The following UGT1A6 variants were observed in gnomAD, a reference collection of about 807,000 sequenced individuals.
UGT1A6 encodes the protein UDP-glucuronosyltransferase 1A6.
A neutral mutation model predicts 44.4 loss-of-function variants in UGT1A6; 32 were observed. The ratio of observed to expected loss-of-function variants is 0.72; its 90% confidence interval spans 0.54 to 0.97. The LOEUF (loss-of-function observed/expected upper bound fraction) is 0.97. Ranked by LOEUF, UGT1A6 falls within the 50% of genes least tolerant of loss-of-function variation. The probability of loss-of-function intolerance (pLI) is 0.00; values close to 1 mark genes in which losing one functional copy is unlikely to be tolerated. For synonymous variants in UGT1A6, 238 were observed against 248.5 expected (o/e 0.96, Z 0.40); for missense variants, 685 against 661.9 (o/e 1.03, Z -0.38).
chr2:233,734,315 C>T (rs1041289451), intron 1 of UGT1A6, among the ~76,000 whole-genome samples: 4 of 151,932 alleles, frequency 2.6e-5, no homozygotes, highest in African/African-American at 4.8e-5. Flanking sequence ...TTTGTGTAGA[C>T]GTATTTATAG....
intron 1 of UGT1A6, among the ~76,000 whole-genome samples, chr2:233,724,143 G>C: frequency 8.2e-6 from 1 of 122,326 alleles, no homozygotes; most frequent in African/African-American, 3.7e-5. Flanking sequence ...GGACGGGGCG[G>C]CTGGCCGGGT....
Position 233,693,021 on chromosome 2 carries a change from G to C in UGT1A6, c.17G>C (p.Arg6Pro). Residue 6 changes from arginine (R) to proline (P), a missense_variant, in exon 1 of 5, where the codon CGC becomes CCC. Physicochemically the swap from Arg to Pro is moderately radical, Grantham distance 103 (BLOSUM62 -2). Transcript: ENST00000305139. ...CTTTCCAGGATGGCCTGCCTCCTTC[G>C]CTCATTTCAGAGAATTTCTGCAGGG... Reference protein sequence around the residue: MACLLRSFQRISAGVF... With the variant: MACLLPSFQRISAGVF... 1 of 1,614,090 alleles carries C rather than the reference G, an allele frequency of 6.2e-7. No homozygotes were observed. Among genetic ancestry groups the C allele is most frequent in the South Asian group, 1.1e-5 (1 of 91,074 alleles).
At chr2:233,770,670 A>C (rs1409019520) in intron 4 of UGT1A6, 2 of 152,132 alleles carry the variant, frequency 1.3e-5, no homozygotes, top group Non-Finnish European at 2.9e-5. Flanking sequence ...TTAAAAAAAA[A>C]AAAAAGAAGG....
chr2:233,694,161 CAG>C (rs1316707108), intron 1 of UGT1A6, among the ~76,000 whole-genome samples: 2 of 152,146 alleles, frequency 1.3e-5, no homozygotes, highest in African/African-American at 4.8e-5. Context: ...CCAGTTCAAA[CAG>C]AGGTGAAGGC....
intron 1 of UGT1A6, chr2:233,712,955 T>C (rs766040798): frequency 1.9e-6 from 3 of 1,612,766 alleles, no homozygotes; most frequent in Non-Finnish European, 2.5e-6. Context: ...AGGCACAACG[T>C]GGGGTGGACA....
Position 233,767,861 on chromosome 2 carries a change from T to C in UGT1A6, c.1006T>C (p.Tyr336His). The C allele has an allele frequency of 1.9e-6, 3 of 1,614,194 alleles. No homozygotes were observed. In the South Asian group the frequency reaches 3.3e-5, roughly 18 times the overall value. ...TTGCCCCTCCCAGGTCCTGTGGCGG[T>C]ACACTGGAACCCGACCATCGAATCT... is the stretch of plus-strand genomic sequence containing the variant. ...GKIPQTVLWR[Y>H]TGTRPSNLAN... The change falls in exon 3 of 5, where the codon TAC becomes CAC. Residue 336 changes from tyrosine to histidine, a missense_variant. Transcript: ENST00000305139.
Position 233,693,129 on chromosome 2 carries a change from T to A in UGT1A6, c.125T>A (p.Met42Lys), listed in dbSNP as rs1392316914. The change falls in exon 1 of 5, where the codon ATG (methionine) becomes AAG (lysine). Residue 42 changes from methionine to lysine, a missense_variant. Transcript: ENST00000305139. ...CAGGACGGAAGCCACTGGCTTAGTA[T>A]GAAGGATATAGTTGAGGTTCTCAGT... ...VPQDGSHWLS[M>K]KDIVEVLSDR... 1 of 1,614,192 alleles carries A rather than the reference T, an allele frequency of 6.2e-7. No individual in the cohort carries two copies. Among genetic ancestry groups the A allele is most frequent in the East Asian group, 2.2e-5 (1 of 44,878 alleles).
chr2:233,716,731 A>G (rs28898604), intron 1 of UGT1A6, among the ~76,000 whole-genome samples: 1,732 of 152,296 alleles, frequency 0.011, 26 homozygotes, highest in African/African-American at 0.04. Context: ...TTATATGTTT[A>G]GCTCTGTGAG....
intron 1 of UGT1A6, among the ~76,000 whole-genome samples, chr2:233,745,477 A>G (rs1693119079): frequency 6.6e-6 from 1 of 151,704 alleles, no homozygotes; most frequent in African/African-American, 2.4e-5. Context: ...AAAATGATTA[A>G]CCAAAGAACA....
Position 233,772,725 on chromosome 2 carries a change from A to G in UGT1A6, c.*166A>G. ...AAATTCTCTTAAATAAAAATAATAG[A>G]CTCGCTAGTCAGTAAAGATATTTGA... On this transcript the variant is annotated 3_prime_UTR_variant, in exon 5 of 5. Coordinates refer to ENST00000305139, the MANE Select transcript of UGT1A6 (RefSeq NM_001072.4). The G allele has an allele frequency of 6.9e-7, 1 of 1,452,344 alleles. No homozygotes were observed. Among genetic ancestry groups the G allele is most frequent in the Non-Finnish European group, 9.0e-7 (1 of 1,105,170 alleles). The allele number at this position is 1,452,344 out of a possible 1,614,324, so 90.0% of individuals were successfully genotyped here.
At chr2:233,709,707 T>A (rs1363464719) in intron 1 of UGT1A6, among the ~76,000 whole-genome samples, 1 of 152,230 alleles carries the variant, frequency 6.6e-6, no homozygotes, top group Admixed American at 6.5e-5. Flanking sequence ...TGTTCTTTTT[T>A]AATTGAATGA....
At chr2:233,735,700 G>A (rs940691560) in intron 1 of UGT1A6, among the ~76,000 whole-genome samples, 1 of 151,948 alleles carries the variant, frequency 6.6e-6, no homozygotes, top group African/African-American at 2.4e-5. Context: ...TGTAAGGCAG[G>A]CCTGGTGGTG....
chr2:233,728,344 T>C (rs965665608), intron 1 of UGT1A6, among the ~76,000 whole-genome samples: 5 of 152,226 alleles, frequency 3.3e-5, no homozygotes, highest in African/African-American at 4.8e-5. Context: ...AGTCCCTTGG[T>C]GAGCAGGAGC....
intron 1 of UGT1A6, among the ~76,000 whole-genome samples, chr2:233,710,360 T>C (rs1335672685): frequency 6.6e-6 from 1 of 152,254 alleles, no homozygotes; most frequent in Non-Finnish European, 1.5e-5. Flanking sequence ...AAAGCAGTTA[T>C]ACAATTTTAC....
In UGT1A6 at chr2:233,769,856, TCA is replaced by T; in HGVS notation, c.1301+1418_1301+1419del. 4.3e-5 allele frequency: 14 copies of T among 322,422 alleles called. No individual in the cohort carries two copies. Among genetic ancestry groups the T allele is most frequent in the Admixed American group, 5.6e-5 (1 of 17,838 alleles). The allele number at this position is 322,422 out of a possible 1,614,324, so 20.0% of individuals were successfully genotyped here. A position where few individuals can be genotyped will look rare whatever the true frequency, so the allele number is the denominator to read the frequency against. ...CTGGGCAACAGAGTGAGACCCTGTC[TCA>T]AAAAAAAAAAAAAAAATGAAAAGTC... On this transcript the variant is annotated intron_variant, in intron 4 of 4. Transcript: ENST00000305139. The surrounding 1 kb of genome is among the most constrained non-coding windows in gnomAD (Gnocchi z 4.4).
At chr2:233,759,612 A>G (rs992811783) in intron 1 of UGT1A6, among the ~76,000 whole-genome samples, 1 of 32,716 alleles carries the variant, frequency 3.1e-5, no homozygotes, top group African/African-American at 8.8e-5. Flanking sequence ...CGCCCCACCC[A>G]CCCACCTGTT....
At chr2:233,718,985 C>A (rs45571233) in intron 1 of UGT1A6, 1 of 1,614,224 alleles carries the variant, frequency 6.2e-7, no homozygotes, top group Non-Finnish European at 8.5e-7. Context: ...ATGCCAGAGG[C>A]CACCAGGCGG....
At chr2:233,721,228 G>A (rs2076928713) in intron 1 of UGT1A6, among the ~76,000 whole-genome samples, 1 of 152,140 alleles carries the variant, frequency 6.6e-6, no homozygotes, top group Non-Finnish European at 1.5e-5. Context: ...ATGCAATGTA[G>A]TTACTGAATT....
At chr2:233,710,173 T>C (rs1247013879) in intron 1 of UGT1A6, among the ~76,000 whole-genome samples, 2 of 152,262 alleles carry the variant, frequency 1.3e-5, no homozygotes, top group Non-Finnish European at 2.9e-5. Context: ...CATTTATTTA[T>C]TGATGGACAT....
Sources: allele counts gnomAD v4.1 joint callset (sites outside exome capture counted in the v4.1 genomes callset), GRCh38; gene constraint gnomAD v4.1.1; non-coding constraint Gnocchi (gnomAD v3.1); transcripts MANE v1.5; gene names NCBI Gene and HGNC (gene_info 2026-07-23, HGNC 2026-07-21).